CTNNA1: variants seen among roughly 807,000 people sequenced by gnomAD.
CTNNA1 encodes catenin alpha-1.
In CTNNA1, 37 loss-of-function variants were observed where a neutral mutation model predicts 98.4. That is an observed-to-expected ratio of 0.38 (90% CI 0.29 to 0.49). The LOEUF is 0.49. Ranked by LOEUF, CTNNA1 falls within the 20% of genes least tolerant of loss-of-function variation. The pLI, the probability that CTNNA1 is intolerant of heterozygous loss-of-function variation, is 0.95. For synonymous variants in CTNNA1, 404 were observed against 413.2 expected, an observed-to-expected ratio of 0.98 and a Z score of 0.27; for missense variants, 761 against 1,147.2, an observed-to-expected ratio of 0.66 and a Z score of 4.86.
chr5:138,797,631 A>G (rs1247825061), intron 3 of CTNNA1, among the ~76,000 whole-genome samples: 1 of 152,148 alleles, frequency 6.6e-6, no homozygotes, highest in African/African-American at 2.4e-5. Context: ...GGAAGGAGAT[A>G]TAACTTTGCC....
In CTNNA1 at chr5:138,934,183, C is replaced by A. The variant is rs1249387267; in HGVS notation, c.*94C>A. 1.1e-6 allele frequency: 1 copy of A among 900,160 alleles called. No individual in the cohort carries two copies. The highest frequency in any genetic ancestry group is 1.7e-6 in the Non-Finnish European group (1 of 591,220). The allele number at this position is 900,160 out of a possible 1,614,324, so 55.8% of individuals were successfully genotyped here. ...GAATTTGCTAAATACAACACTGATA[C>A]TAGATTCCACAGGGAAATGGGCAGA... is the stretch of plus-strand genomic sequence containing the variant. On this transcript the variant is annotated 3_prime_UTR_variant, in exon 18 of 18. Transcript: ENST00000302763.
At position 138,934,852 on chromosome 5, in the gene CTNNA1, G is replaced by GTGTT. The variant is rs1491129111; in HGVS notation, c.*766_*769dup. On this transcript the variant is annotated 3_prime_UTR_variant, in exon 18 of 18. Transcript: ENST00000302763. ...TGCAGCAGAAAAACCTGACAACATA[G>GTGTT]TGTTTGCTAAGGCAGTAATTTAGAC... The GTGTT allele has an allele frequency of 1.3e-5, 2 of 152,734 alleles. No individual in the cohort carries two copies. The highest frequency in any genetic ancestry group is 2.1e-4 in the South Asian group (1 of 4,816). The allele number at this position is 152,734 out of a possible 1,614,324, so 9.5% of individuals were successfully genotyped here. A position where few individuals can be genotyped will look rare whatever the true frequency, so the allele number is the denominator to read the frequency against.
chr5:138,854,988 T>C (rs1763595152), intron 7 of CTNNA1, among the ~76,000 whole-genome samples: 1 of 152,180 alleles, frequency 6.6e-6, no homozygotes, highest in Non-Finnish European at 1.5e-5. Flanking sequence ...AAGAGCAAAA[T>C]TGGTCCACTC....
chr5:138,890,735 C>G (rs1755154886), intron 9 of CTNNA1, among the ~76,000 whole-genome samples: 1 of 152,160 alleles, frequency 6.6e-6, no homozygotes, highest in South Asian at 2.1e-4. Flanking sequence ...AATCTCCAGT[C>G]CCCTTCCCTG....
intron 10 of CTNNA1, among the ~76,000 whole-genome samples, chr5:138,911,467 C>A (rs1159577746): frequency 6.6e-6 from 1 of 151,856 alleles, no homozygotes; most frequent in Admixed American, 6.6e-5. Context: ...GACCCCCCCC[C>A]AATATAATCA....
At chr5:138,899,220 G>GT (rs142870661) in intron 9 of CTNNA1, among the ~76,000 whole-genome samples, 1 of 151,660 alleles carries the variant, frequency 6.6e-6, no homozygotes, top group African/African-American at 2.4e-5. Flanking sequence ...TTTTGTTTTT[G>GT]TTTTTTTAAT....
intron 3 of CTNNA1, among the ~76,000 whole-genome samples, chr5:138,800,657 G>A (rs368017004): frequency 6.6e-6 from 1 of 152,146 alleles, no homozygotes; most frequent in African/African-American, 2.4e-5. Context: ...AGAAAAATTA[G>A]CCAGGCATGG....
chr5:138,919,617 A>G (rs1392612702), intron 11 of CTNNA1, among the ~76,000 whole-genome samples: 1 of 152,210 alleles, frequency 6.6e-6, no homozygotes, highest in East Asian at 1.9e-4. Context: ...CAAATGTATG[A>G]GAGTATAAGA....
chr5:138,804,738 C>CTG (rs3048869), intron 3 of CTNNA1, among the ~76,000 whole-genome samples: 112,859 of 151,846 alleles, frequency 0.74, 42,207 homozygotes, highest in East Asian at 0.99. Flanking sequence ...AATAGTGACA[C>CTG]TAAGTATTCA....
At chr5:138,780,523 T>G (rs1024141581) in intron 1 of CTNNA1, among the ~76,000 whole-genome samples, 1 of 151,152 alleles carries the variant, frequency 6.6e-6, no homozygotes, top group Non-Finnish European at 1.5e-5. Flanking sequence ...TTTATTATTA[T>G]TATTATTTTT....
At position 138,934,590 on chromosome 5, in the gene CTNNA1, T is replaced by TG; in HGVS notation, c.*501_*502insG. On this transcript the variant is annotated 3_prime_UTR_variant, in exon 18 of 18. Coordinates refer to ENST00000302763, the MANE Select transcript of CTNNA1 (RefSeq NM_001903.5). ...TCTCTGGAGGGACAAACTCACTCAG[T>TG]AAAACATAATGTATCATGAAGAAAA... 6.8e-6 allele frequency: 1 copy of TG among 147,314 alleles called. No homozygotes were observed. The highest frequency in any genetic ancestry group is 2.2e-4 in the South Asian group (1 of 4,648). The allele number at this position is 147,314 out of a possible 1,614,324, so 9.1% of individuals were successfully genotyped here. A position where few individuals can be genotyped will look rare whatever the true frequency, so the allele number is the denominator to read the frequency against.
chr5:138,802,714 G>C (rs934965844), intron 3 of CTNNA1, among the ~76,000 whole-genome samples: 4 of 152,154 alleles, frequency 2.6e-5, no homozygotes, highest in Non-Finnish European at 4.4e-5. Context: ...TGTGGAACCT[G>C]AGACTATTAA....
chr5:138,753,652 G>A, intron 1 of CTNNA1, 142 bp downstream of exon 1: 1 of 345,282 alleles, frequency 2.9e-6, no homozygotes, highest in Non-Finnish European at 5.2e-6. Flanking sequence ...GACGTCGCCG[G>A]GAATTGGGCC....
intron 9 of CTNNA1, among the ~76,000 whole-genome samples, chr5:138,893,018 A>G (rs1755838143): frequency 6.6e-6 from 1 of 151,904 alleles, no homozygotes; most frequent in African/African-American, 2.4e-5. Flanking sequence ...TCCGTCTCAA[A>G]ATAAATAAAT....
chr5:138,818,189 G>T (rs1053637420), intron 5 of CTNNA1, among the ~76,000 whole-genome samples: 7 of 150,370 alleles, frequency 4.7e-5, no homozygotes, highest in Admixed American at 4.6e-4. Flanking sequence ...GAGTGCAGTG[G>T]CATTTTCTCG....
intron 7 of CTNNA1, among the ~76,000 whole-genome samples, chr5:138,852,839 C>A (rs946984255): frequency 2.1e-5 from 1 of 48,416 alleles, no homozygotes; most frequent in African/African-American, 6.5e-5. Flanking sequence ...CCTATAGATT[C>A]CTGCTTCCCT....
At position 138,924,672 on chromosome 5, in the gene CTNNA1, A is replaced by G; in HGVS notation, c.1709A>G (p.Glu570Gly). The G allele has an allele frequency of 6.3e-7, 1 of 1,599,316 alleles. No homozygotes were observed. Among genetic ancestry groups the G allele is most frequent in the South Asian group, 1.1e-5 (1 of 88,758 alleles). ...AACTATGAGCCAGGAGTCTACACAGAGAAGGTTCTGGAAGCCACTAAGCTG... is the reference window on the plus strand; with the variant it reads ...AACTATGAGCCAGGAGTCTACACAGGGAAGGTTCTGGAAGCCACTAAGCTG... ...MDNYEPGVYT[E>G]KVLEATKLLS... The change falls in exon 12 of 18, where the codon GAG (glutamate) becomes GGG (glycine). Residue 570 changes from glutamate to glycine, a missense_variant. By Grantham distance (98) the Glu-to-Gly change is moderately conservative. This residue lies in a region of CTNNA1 where 287 missense variants were observed against 436.0 expected (regional missense o/e 0.66). Coordinates refer to ENST00000302763, the MANE Select transcript of CTNNA1 (RefSeq NM_001903.5).
At position 138,777,506 on chromosome 5, in the gene CTNNA1, C is replaced by T. The variant is rs796441991; in HGVS notation, c.-2-4417C>T. ...CGGCACTTTGGGAGGCCAAGGCAGG[C>T]GGCTGGGAGGTGGAGGTTGTAGCGA... On this transcript the variant is annotated intron_variant, in intron 1 of 17. Transcript: ENST00000302763. Among the ~76,000 whole-genome samples, 542 of 141,560 alleles carry T rather than the reference C, an allele frequency of 3.8e-3. No homozygotes were observed. The East Asian group carries it at 0.044, about 11-fold the overall frequency. 92.9% of individuals were successfully genotyped at this position (141,560 alleles called of 152,430 possible).
chr5:138,861,104 T>C (rs1764231005), intron 7 of CTNNA1, among the ~76,000 whole-genome samples: 1 of 151,940 alleles, frequency 6.6e-6, no homozygotes, highest in Non-Finnish European at 1.5e-5. Flanking sequence ...ACTGTAACCT[T>C]TCAGCTGTCA....
Sources: gnomAD v4.1 joint callset for allele counts (sites outside exome capture counted in the v4.1 genomes callset) on GRCh38, gnomAD v4.1.1 for gene constraint, gnomAD v4.1.1 regional missense constraint, MANE v1.5 for transcripts, NCBI Gene and HGNC (gene_info 2026-07-23, HGNC 2026-07-21) for gene names.